NLRP6: variants seen among roughly 807,000 people sequenced by gnomAD.
NLRP6 encodes NACHT, LRR and PYD domains-containing protein 6.
In NLRP6, 55 loss-of-function variants were observed where a neutral mutation model predicts 70.9. The ratio of observed to expected loss-of-function variants is 0.78; its 90% confidence interval spans 0.62 to 0.97. The LOEUF (loss-of-function observed/expected upper bound fraction) is 0.97. Among genes scored for constraint, NLRP6 ranks in the 50% least tolerant of loss-of-function variants. The pLI, the probability that NLRP6 is intolerant of heterozygous loss-of-function variation, is 0.00. For synonymous variants in NLRP6, 652 were observed against 581.9 expected (o/e 1.12, Z -1.73); for missense variants, 1,241 against 1,238.3 (o/e 1.00, Z -0.03).
At chr11:283,211 C>T (rs1049633838) in intron 5 of NLRP6, among the ~76,000 whole-genome samples, 3 of 151,968 alleles carry the variant, frequency 2.0e-5, no homozygotes, top group Non-Finnish European at 4.4e-5. Context: ...TGCCCAGTAG[C>T]AAGTCCATCT....
chr11:282,785 T>G lies in NLRP6; in HGVS notation c.2186T>G (p.Leu729Arg), dbSNP rs1203273599. 2 of 1,612,812 alleles carry G rather than the reference T, an allele frequency of 1.2e-6. No homozygotes were observed. Among genetic ancestry groups the G allele is most frequent in the Admixed American group, 1.7e-5 (1 of 60,012 alleles). ...FQAMTDPLCH[L>R]SSLTLSHCKL... ...GCAATGACTGACCCACTGTGCCATC[T>G]GAGCAGCCTCACGTGAGTGGCCACA... is the stretch of plus-strand genomic sequence containing the variant. The change falls in exon 5 of 8, where the codon CTG becomes CGG. Residue 729 changes from leucine to arginine, a missense_variant. Physicochemically the swap from Leu to Arg is moderately radical, Grantham distance 102. Transcript: ENST00000534750.
chr11:280,821 C>T lies in NLRP6; in HGVS notation c.1087C>T (p.Arg363Trp). Residue 363 changes from arginine (R) to tryptophan (W), a missense_variant, in exon 4 of 8, where the codon CGG (arginine) becomes TGG (tryptophan). Physicochemically the swap from Arg to Trp is moderately radical, Grantham distance 101 (BLOSUM62 -3). Coordinates refer to ENST00000534750, the MANE Select transcript of NLRP6 (RefSeq NM_001276700.2). ...GAAGAAGTATTTCTACAAGTATTTC[C>T]GGGATGAGAGGAGGGCCGAGCGCGC... The part of the protein sequence containing the change: ...DKKKYFYKYF[R>W]DERRAERAYR... 1 of 1,612,994 alleles carries T rather than the reference C, an allele frequency of 6.2e-7. No homozygotes were observed. The highest frequency in any genetic ancestry group is 8.5e-7 in the Non-Finnish European group (1 of 1,179,862).
At chr11:279,120 C>T (rs976964605) in intron 1 of NLRP6, 3 of 416,014 alleles carry the variant, frequency 7.2e-6, no homozygotes, top group Non-Finnish European at 1.2e-5. Flanking sequence ...AACACCAAGA[C>T]GCCCCGACCC....
At chr11:279,218 G>C (rs1845429819) in intron 1 of NLRP6, 109 bp from the exon 2 acceptor site, 6 of 952,608 alleles carry the variant, frequency 6.3e-6, no homozygotes, top group Middle Eastern at 3.8e-4. Context: ...TGCTTGGCCC[G>C]GGACTCCCTG....
chr11:284,338 G>A lies in NLRP6; in HGVS notation c.2307G>A (p.Glu769=). 3 of 1,611,516 alleles carry A rather than the reference G, an allele frequency of 1.9e-6. No individual in the cohort carries two copies. The highest frequency in any genetic ancestry group is 2.5e-6 in the Non-Finnish European group (3 of 1,179,516). Residue 769 remains glutamate, a synonymous_variant, in exon 6 of 8, where the codon GAG becomes GAA. Coordinates refer to ENST00000534750, the MANE Select transcript of NLRP6 (RefSeq NM_001276700.2). ...ELGLLHNRLS[E]AGLRMLSEGL... ...GCCTCCTCCACAACAGGCTCAGTGA[G>A]GCGGGACTGCGTATGCTGAGTGAGG... is the stretch of plus-strand genomic sequence containing the variant.
At position 284,642 on chromosome 11, in the gene NLRP6, G is replaced by A. The variant is rs1336491401; in HGVS notation, c.2537G>A (p.Ser846Asn). Residue 846 changes from serine to asparagine, a missense_variant and splice_region_variant, in exon 7 of 8, where the codon AGT (serine) becomes AAT (asparagine). Transcript: ENST00000534750. ...CAGGGATGCGGCCTGCAGACCCTCA[G>A]GTGGAGGCAGGGGTGGGAAGGGTGC... ...QHQGCGLQTL[S>N]LASVELSEQS... 6.2e-7 allele frequency: 1 copy of A among 1,600,884 alleles called. No homozygotes were observed. Among genetic ancestry groups the A allele is most frequent in the Non-Finnish European group, 8.5e-7 (1 of 1,176,960 alleles).
chr11:279,563 A>G lies in NLRP6; in HGVS notation c.266A>G (p.Asp89Gly). The G allele has an allele frequency of 7.0e-7, 1 of 1,427,192 alleles. No homozygotes were observed. Among genetic ancestry groups the G allele is most frequent in the Non-Finnish European group, 9.1e-7 (1 of 1,094,738 alleles). The allele number at this position is 1,427,192 out of a possible 1,614,324, so 88.4% of individuals were successfully genotyped here. The change falls in exon 2 of 8, where the codon GAC becomes GGC. Residue 89 changes from aspartate to glycine, a missense_variant. Asp to Gly is a moderately conservative substitution (Grantham distance 94). Coordinates refer to ENST00000534750, the MANE Select transcript of NLRP6 (RefSeq NM_001276700.2). Reference sequence around the variant, plus strand: ...GCCCGCAAGACCCTCAAGAGGGCGGACGCGCGCGACGTGGCGGCGCAGCTC... The same window carrying G: ...GCCCGCAAGACCCTCAAGAGGGCGGGCGCGCGCGACGTGGCGGCGCAGCTC... Reference protein sequence around the residue: ...EVARKTLKRADARDVAAQLQE... With the variant: ...EVARKTLKRAGARDVAAQLQE...
Position 280,172 on chromosome 11 carries a change from C to G in NLRP6, c.438C>G (p.Arg146=). The G allele has an allele frequency of 6.5e-7, 1 of 1,550,182 alleles. No individual in the cohort carries two copies. Among genetic ancestry groups the G allele is most frequent in the African/African-American group, 1.4e-5 (1 of 72,748 alleles). The part of the protein sequence containing the change: ...RNARSVKITK[R]FTKLLIAPES... ...CCCGCTCCGTGAAGATCACCAAGCG[C>G]TTCACCAAGCTGCTCATCGCGCCCG... The change falls in exon 4 of 8, where the codon CGC becomes CGG. Residue 146 remains arginine (R), a synonymous_variant. Transcript: ENST00000534750.
chr11:281,699 CG>C lies in NLRP6; in HGVS notation c.1966del (p.Val656TrpfsTer4), dbSNP rs749497444. On this transcript the variant is annotated frameshift_variant, in exon 4 of 8. Coordinates refer to ENST00000534750, the MANE Select transcript of NLRP6 (RefSeq NM_001276700.2). LOFTEE classifies it high-confidence loss of function. Reference sequence around the variant, plus strand: ...AGCGAGTGCGCTTCTGCCGCATGGACGTGGCTGTTCTGAGCTACTGCGTGAG... The same window carrying C: ...AGCGAGTGCGCTTCTGCCGCATGGACTGGCTGTTCTGAGCTACTGCGTGAG... ...LQRVRFCRMD[V>X]AVLSYCVRCC... 1.2e-4 allele frequency: 197 copies of C among 1,613,322 alleles called. No individual in the cohort carries two copies. Among genetic ancestry groups the C allele is most frequent in the Non-Finnish European group, 1.6e-4 (193 of 1,180,036 alleles).
Position 280,487 on chromosome 11 carries a change from C to T in NLRP6, c.753C>T (p.Asp251=). ...GGCCGGGCACGCGCAGCCTGGCTGA[C>T]CTGATCCTGGACCAGTGCCCCGACC... ...LERPGTRSLA[D]LILDQCPDRG... is the part of the protein sequence containing the mutation. Residue 251 remains aspartate (D), a synonymous_variant, in exon 4 of 8, where the codon GAC becomes GAT. Transcript: ENST00000534750. The T allele has an allele frequency of 6.3e-7, 1 of 1,591,484 alleles. No individual in the cohort carries two copies. Among genetic ancestry groups the T allele is most frequent in the Non-Finnish European group, 8.5e-7 (1 of 1,177,488 alleles).
At chr11:284,671 G>A (rs1845533294) in intron 7 of NLRP6, 29 bp downstream of exon 7, 2 of 1,576,370 alleles carry the variant, frequency 1.3e-6, no homozygotes, top group South Asian at 1.1e-5. Context: ...AGGGTGCTGG[G>A]GACACAGCCT....
rs746604612 is a variant in NLRP6, at chr11:278,637, G to T, written c.29+39G>T. On this transcript the variant is annotated intron_variant, in intron 1 of 7. Transcript: ENST00000534750. This position sits in a 1 kb window ranked among gnomAD's most constrained non-coding sequence, Gnocchi z 4.7. ...CCAGGGTGGTCACTGGGAACCGGCT[G>T]GTCTCAGCCCTCTGGGGCCTCCACC... 3 of 1,552,638 alleles carry T rather than the reference G, an allele frequency of 1.9e-6. No homozygotes were observed. Among genetic ancestry groups the T allele is most frequent in the Non-Finnish European group, 2.6e-6 (3 of 1,148,384 alleles).
rs1845485176 is a variant in NLRP6 at position 281,840 on chromosome 11, G to C, written c.2105+1G>C. ...TCCAGGCCAGCCTGGGTGGCGGCAGGTGCGTCTCCAGGGCAGAGATACTCT... is the reference window on the plus strand; with the variant it reads ...TCCAGGCCAGCCTGGGTGGCGGCAGCTGCGTCTCCAGGGCAGAGATACTCT... On this transcript the variant is annotated splice_donor_variant, in intron 4 of 7. Transcript: ENST00000534750. LOFTEE classifies it high-confidence loss of function. 1.3e-6 allele frequency: 2 copies of C among 1,569,512 alleles called. No individual in the cohort carries two copies. Among genetic ancestry groups the C allele is most frequent in the Admixed American group, 1.7e-5 (1 of 57,246 alleles).
rs978579505 is a variant in NLRP6, at chr11:279,491, C to A, written c.194C>A (p.Ala65Glu). The A allele has an allele frequency of 1.8e-5, 26 of 1,445,652 alleles. No homozygotes were observed. The highest frequency in any genetic ancestry group is 2.2e-5 in the Non-Finnish European group (24 of 1,099,352). 89.6% of individuals were successfully genotyped at this position (1,445,652 alleles called of 1,614,324 possible). Residue 65 changes from alanine to glutamate, a missense_variant, in exon 2 of 8, where the codon GCG becomes GAG. Transcript: ENST00000534750. ...GAGCGCGCGGACGCCGTGGACCTCG[C>A]GGAGCAGCTGGCCCAGTTCTACGGC... ...RLERADAVDL[A>E]EQLAQFYGPE...
Position 279,538 on chromosome 11 carries a change from G to C in NLRP6, c.241G>C (p.Ala81Pro). The C allele has an allele frequency of 6.9e-7, 1 of 1,451,088 alleles. No homozygotes were observed. 89.9% of individuals were successfully genotyped at this position (1,451,088 alleles called of 1,614,324 possible). A position where few individuals can be genotyped will look rare whatever the true frequency, so the allele number is the denominator to read the frequency against. Residue 81 changes from alanine to proline, a missense_variant, in exon 2 of 8, where the codon GCC becomes CCC. By Grantham distance (27) the Ala-to-Pro change is conservative (BLOSUM62 -1). Coordinates refer to ENST00000534750, the MANE Select transcript of NLRP6 (RefSeq NM_001276700.2). The stretch of plus-strand genomic sequence containing the variant: ...CGGCCCGGAGCCTGCCCTGGAGGTG[G>C]CCCGCAAGACCCTCAAGAGGGCGGA... ...FYGPEPALEV[A>P]RKTLKRADAR...
intron 2 of NLRP6, 40 bp downstream of exon 2, chr11:279,647 G>C: frequency 7.3e-7 from 1 of 1,379,156 alleles, no homozygotes; most frequent in African/African-American, 1.5e-5. Context: ...CTGGGCAGAG[G>C]CTGGGCTGCC....
intron 5 of NLRP6, among the ~76,000 whole-genome samples, chr11:283,062 T>C (rs1343348633): frequency 6.6e-6 from 1 of 152,034 alleles, no homozygotes; most frequent in Non-Finnish European, 1.5e-5. Flanking sequence ...GAGGGAGGGA[T>C]TAAAGAAGAC....
chr11:279,743 A>G, intron 2 of NLRP6, 91 bp from the exon 3 acceptor site: 1 of 1,424,552 alleles, frequency 7.0e-7, no homozygotes, highest in Non-Finnish European at 9.3e-7. Context: ...CAGGGGTAGG[A>G]CCCTGCGTGC....
Position 284,583 on chromosome 11 carries a change from C to CAT in NLRP6, c.2479_2480dup (p.Met827IlefsTer3). 6.2e-7 allele frequency: 1 copy of CAT among 1,612,152 alleles called. No homozygotes were observed. The highest frequency in any genetic ancestry group is 1.7e-4 in the Middle Eastern group (1 of 6,060). ...TCAGCGGCTGCCAACTGCCCGCCCC[C>CAT]ATGGTGACCTACCTGTGTGCAGTCC... is the stretch of plus-strand genomic sequence containing the variant. On this transcript the variant is annotated frameshift_variant, in exon 7 of 8. Transcript: ENST00000534750. LOFTEE classifies it high-confidence loss of function.
Sources: allele counts gnomAD v4.1 joint callset (sites outside exome capture counted in the v4.1 genomes callset), GRCh38; gene constraint gnomAD v4.1.1; non-coding constraint Gnocchi (gnomAD v3.1); transcripts MANE v1.5; gene names NCBI Gene and HGNC (gene_info 2026-07-23, HGNC 2026-07-21).